The following SNAPC1 variants were observed in gnomAD, a reference collection of about 807,000 sequenced individuals.
SNAPC1 encodes small nuclear RNA activating complex polypeptide 1, also known as snRNA-activating protein complex subunit 1.
Under a neutral mutation model 50.1 loss-of-function variants are expected in SNAPC1, and 42 were observed. That is an observed-to-expected ratio of 0.84 (90% CI 0.65 to 1.08). The LOEUF is 1.08. Ranked by LOEUF, SNAPC1 falls within the 50% of genes least tolerant of loss-of-function variation. SNAPC1 has a pLI of 0.00. For synonymous variants in SNAPC1, 164 were observed against 144.2 expected (o/e 1.14, Z -0.98); for missense variants, 477 against 427.3 (o/e 1.12, Z -1.02).
chr14:61,780,904 C>T (rs1302041176), intron 7 of SNAPC1, among the ~76,000 whole-genome samples: 1 of 151,986 alleles, frequency 6.6e-6, no homozygotes, highest in Non-Finnish European at 1.5e-5. Flanking sequence ...AAAAATGCAT[C>T]TGTACCAAAT....
At position 61,794,445 on chromosome 14, in the gene SNAPC1, G is replaced by T. The variant is rs147195215; in HGVS notation, c.1073-504G>T. On this transcript the variant is annotated intron_variant, in intron 9 of 9. Transcript: ENST00000216294. ...TTTTGAGATGGAGTCTCGCTCTGTC[G>T]TCCAGGCTGGAGTGCAGTGGCACGA... is the stretch of plus-strand genomic sequence containing the variant. Among the ~76,000 whole-genome samples the T allele has an allele frequency of 6.8e-4, 104 of 152,030 alleles. 2 individuals are homozygous for T. In the South Asian group the frequency reaches 0.021, roughly 31 times the overall value.
chr14:61,773,036 A>T (rs2045005040), intron 4 of SNAPC1, among the ~76,000 whole-genome samples: 1 of 152,182 alleles, frequency 6.6e-6, no homozygotes, highest in African/African-American at 2.4e-5. Context: ...GATAATTCTT[A>T]AATTTAATAC....
intron 7 of SNAPC1, among the ~76,000 whole-genome samples, chr14:61,780,579 A>C (rs1342506958): frequency 1.3e-5 from 2 of 152,198 alleles, no homozygotes; most frequent in African/African-American, 4.8e-5. Flanking sequence ...GATTATGAAT[A>C]TTAGACCTTT....
chr14:61,772,632 T>G (rs2140177217), intron 4 of SNAPC1, among the ~76,000 whole-genome samples: 1 of 152,244 alleles, frequency 6.6e-6, no homozygotes. Context: ...TTGGGTGATC[T>G]TCCTACCTTG....
chr14:61,794,659 T>G (rs986393768), intron 9 of SNAPC1, among the ~76,000 whole-genome samples: 1 of 152,258 alleles, frequency 6.6e-6, no homozygotes, highest in Non-Finnish European at 1.5e-5. Flanking sequence ...TCGCCCACCT[T>G]AGCCTCCCAG....
At chr14:61,773,292 C>T (rs1044619398) in intron 4 of SNAPC1, among the ~76,000 whole-genome samples, 2 of 151,700 alleles carry the variant, frequency 1.3e-5, no homozygotes, top group Non-Finnish European at 2.9e-5. Flanking sequence ...TAATGGACAT[C>T]GTGTGCTGAG....
At chr14:61,781,622 A>G (rs565841758) in intron 7 of SNAPC1, among the ~76,000 whole-genome samples, 3 of 152,304 alleles carry the variant, frequency 2.0e-5, no homozygotes, top group South Asian at 2.1e-4. Context: ...AGACAAAGCT[A>G]TCATTAAGAC....
At chr14:61,780,680 TTTAA>T (rs2045065303) in intron 7 of SNAPC1, among the ~76,000 whole-genome samples, 2 of 152,334 alleles carry the variant, frequency 1.3e-5, no homozygotes, top group African/African-American at 4.8e-5. Flanking sequence ...AGCTCTGTAG[TTTAA>T]TTAGGTCTCA....
intron 8 of SNAPC1, among the ~76,000 whole-genome samples, chr14:61,790,874 G>T (rs2045147438): frequency 6.6e-6 from 1 of 152,150 alleles, no homozygotes; most frequent in Admixed American, 6.5e-5. Flanking sequence ...CATTTGTTTG[G>T]ATAATCAGTA....
chr14:61,794,651 G>T (rs2045175867), intron 9 of SNAPC1, among the ~76,000 whole-genome samples: 1 of 152,006 alleles, frequency 6.6e-6, no homozygotes, highest in Non-Finnish European at 1.5e-5. Flanking sequence ...CTCATGATTC[G>T]CCCACCTTAG....
chr14:61,788,088 CTG>C (rs1057443354), intron 8 of SNAPC1, among the ~76,000 whole-genome samples: 4 of 152,102 alleles, frequency 2.6e-5, no homozygotes, highest in African/African-American at 7.2e-5. Flanking sequence ...CTGAAAACAA[CTG>C]TTTTGTAAAT....
rs150902473 is a variant in SNAPC1, at chr14:61,787,292, A to G, written c.976+4895A>G. On this transcript the variant is annotated intron_variant, in intron 8 of 9. Coordinates refer to ENST00000216294, the MANE Select transcript of SNAPC1 (RefSeq NM_003082.4). ...TTTATTGTATGTTAATAATACTTCA[A>G]TAAACCTGACTGATGGCCAAACACG... Among the ~76,000 whole-genome samples the G allele has an allele frequency of 2.2e-3, 334 of 152,390 alleles. 1 individual carries two copies. The highest frequency in any genetic ancestry group is 7.7e-3 in the African/African-American group (321 of 41,596).
chr14:61,781,849 C>T (rs927769657), intron 7 of SNAPC1, among the ~76,000 whole-genome samples: 5 of 152,250 alleles, frequency 3.3e-5, no homozygotes, highest in Non-Finnish European at 7.3e-5. Flanking sequence ...ATGTTAAACT[C>T]ATTGTGGCCA....
intron 8 of SNAPC1, among the ~76,000 whole-genome samples, chr14:61,790,001 A>G (rs1039257639): frequency 2.0e-5 from 3 of 152,228 alleles, no homozygotes; most frequent in Non-Finnish European, 4.4e-5. Flanking sequence ...GCTAACAGAC[A>G]TAAGAGCAAA....
Position 61,789,956 on chromosome 14 carries a change from G to A in SNAPC1, c.977-2851G>A, listed in dbSNP as rs113715369. On this transcript the variant is annotated intron_variant, in intron 8 of 9. Transcript: ENST00000216294. The stretch of plus-strand genomic sequence containing the variant: ...TAGTTCAGATTTAGGAGTAACGAGC[G>A]TGTGCCACATGGTTGTAGGAATTAG... 8.5e-3 allele frequency among the ~76,000 whole-genome samples: 1,300 copies of A among 152,284 alleles called. 7 individuals carry two copies. Among genetic ancestry groups the A allele is most frequent in the Middle Eastern group, 0.031 (9 of 294 alleles).
intron 8 of SNAPC1, among the ~76,000 whole-genome samples, chr14:61,783,790 G>C (rs1441429971): frequency 2.0e-5 from 3 of 152,014 alleles, no homozygotes; most frequent in Admixed American, 1.3e-4. Flanking sequence ...CGCCCGCCTT[G>C]ACCTCCCAAA....
intron 1 of SNAPC1, among the ~76,000 whole-genome samples, chr14:61,766,499 A>G (rs2044949552): frequency 1.3e-5 from 2 of 152,256 alleles, no homozygotes; most frequent in African/African-American, 4.8e-5. Flanking sequence ...TTTACGTTCA[A>G]GTGATACTTC....
At chr14:61,785,758 C>A (rs888139893) in intron 8 of SNAPC1, among the ~76,000 whole-genome samples, 6 of 152,126 alleles carry the variant, frequency 3.9e-5, no homozygotes, top group Non-Finnish European at 8.8e-5. Context: ...TGGCCTTCCA[C>A]CTAATACAAA....
intron 8 of SNAPC1, among the ~76,000 whole-genome samples, chr14:61,788,313 G>A (rs1278043684): frequency 6.6e-6 from 1 of 152,146 alleles, no homozygotes; most frequent in Admixed American, 6.5e-5. Context: ...AGACCCAAAT[G>A]CTTACTTTGT....
Sources: gnomAD v4.1 joint callset for allele counts (sites outside exome capture counted in the v4.1 genomes callset) on GRCh38, gnomAD v4.1.1 for gene constraint, MANE v1.5 for transcripts, NCBI Gene and HGNC (gene_info 2026-07-23, HGNC 2026-07-21) for gene names.